CYP51A1: variants seen among roughly 807,000 people sequenced by gnomAD.
The protein encoded by CYP51A1 is lanosterol 14-alpha demethylase.
CYP51A1 carries 45 observed loss-of-function variants against 53.5 expected under a neutral mutation model. The observed-to-expected ratio is 0.84, with a 90% CI of 0.66 to 1.08. The LOEUF is 1.08. CYP51A1 is among the 50% of genes least tolerant of loss of function. CYP51A1 has a pLI of 0.00. For missense variants in CYP51A1, 462 were observed against 621.7 expected, an observed-to-expected ratio of 0.74 and a Z score of 2.73; for synonymous variants, 181 against 217.7, an observed-to-expected ratio of 0.83 and a Z score of 1.48.
At chr7:92,124,938 T>C (rs1023622467) in intron 5 of CYP51A1, among the ~76,000 whole-genome samples, 1 of 151,944 alleles carries the variant, frequency 6.6e-6, no homozygotes, top group Non-Finnish European at 1.5e-5. Flanking sequence ...GGTCGGGAGA[T>C]CAAGACCATC....
Position 92,128,924 on chromosome 7 carries a change from T to C in CYP51A1, c.424A>G (p.Thr142Ala). The C allele has an allele frequency of 6.2e-7, 1 of 1,612,382 alleles. No individual in the cohort carries two copies. Residue 142 changes from threonine (T) to alanine (A), a missense_variant, in exon 3 of 10, where the codon ACA (threonine) becomes GCA (alanine). Physicochemically the swap from Thr to Ala is moderately conservative, Grantham distance 58 (BLOSUM62 0). Coordinates refer to ENST00000003100, the MANE Select transcript of CYP51A1 (RefSeq NM_000786.4). Reference protein sequence around the residue: ...NAEDVYSRLTTPVFGKGVAYD... With the variant: ...NAEDVYSRLTAPVFGKGVAYD... ...GCAACTCCCTTCCCAAACACAGGTG[T>C]TGTCAGGCGACTGTAGACATCTTCT...
At position 92,128,876 on chromosome 7, in the gene CYP51A1, C is replaced by CT; in HGVS notation, c.468+3dup. The CT allele has an allele frequency of 6.2e-7, 1 of 1,608,622 alleles. No homozygotes were observed. Among genetic ancestry groups the CT allele is most frequent in the Non-Finnish European group, 8.5e-7 (1 of 1,178,070 alleles). ...TCTTTATTTATGGTAACAGTGTCAC[C>CT]TACTGGATTAGGCACATCGTATGCA... On this transcript the variant is annotated splice_donor_region_variant and intron_variant, in intron 3 of 9. Coordinates refer to ENST00000003100, the MANE Select transcript of CYP51A1 (RefSeq NM_000786.4).
chr7:92,132,836 G>A (rs1335843614), intron 1 of CYP51A1, among the ~76,000 whole-genome samples: 2 of 152,084 alleles, frequency 1.3e-5, no homozygotes, highest in Non-Finnish European at 2.9e-5. Flanking sequence ...GCCACAAAAT[G>A]AGACCTGCAG....
chr7:92,131,739 T>TG (rs757633942), intron 2 of CYP51A1, 35 bp downstream of exon 2: 2 of 1,178,674 alleles, frequency 1.7e-6, no homozygotes, highest in Non-Finnish European at 1.2e-6. Context: ...TCTAGTTGTT[T>TG]TTTTTTTTTT....
chr7:92,126,024 C>A (rs1376323466), intron 5 of CYP51A1, among the ~76,000 whole-genome samples: 1 of 152,010 alleles, frequency 6.6e-6, no homozygotes, highest in Non-Finnish European at 1.5e-5. Flanking sequence ...AAATATTAGA[C>A]TAGACAGACA....
In CYP51A1 at chr7:92,134,465, CA is replaced by C; in HGVS notation, c.-102del. On this transcript the variant is annotated 5_prime_UTR_variant, in exon 1 of 10. Coordinates refer to ENST00000003100, the MANE Select transcript of CYP51A1 (RefSeq NM_000786.4). ...TGGTCGTCCACAGGGGGCCTTGCCC[CA>C]GGTCTCCTACTAAACCCAGCCCCAC... The C allele has an allele frequency of 7.6e-7, 1 of 1,308,034 alleles. No individual in the cohort carries two copies. The highest frequency in any genetic ancestry group is 1.0e-6 in the Non-Finnish European group (1 of 972,378). 81.0% of individuals were successfully genotyped at this position (1,308,034 alleles called of 1,614,324 possible).
At chr7:92,123,360 C>G (rs1264699981) in intron 6 of CYP51A1, 45 bp from the exon 7 acceptor site, 1 of 1,474,138 alleles carries the variant, frequency 6.8e-7, no homozygotes, top group East Asian at 2.3e-5. Flanking sequence ...TTGGCAGATA[C>G]ATTTCATGCC....
At chr7:92,126,731 G>GA (rs1819809319) in intron 4 of CYP51A1, among the ~76,000 whole-genome samples, 2 of 152,080 alleles carry the variant, frequency 1.3e-5, no homozygotes, top group Admixed American at 1.3e-4. Context: ...AACAAAAGCA[G>GA]AAAAAAGGTT....
chr7:92,128,428 C>CTCTCTGTGTGTG (rs112952169), intron 3 of CYP51A1, among the ~76,000 whole-genome samples: 4 of 143,044 alleles, frequency 2.8e-5, no homozygotes, highest in African/African-American at 7.8e-5. Context: ...TGGTTGGTTT[C>CTCTCTGTGTGTG]TGTGTGTGTG....
Position 92,112,319 on chromosome 7 carries a change from C to CTCA in CYP51A1, c.*1343_*1345dup, listed in dbSNP as rs1361187261. 1 of 152,150 alleles carries CTCA rather than the reference C, an allele frequency of 6.6e-6. No individual in the cohort carries two copies. Among genetic ancestry groups the CTCA allele is most frequent in the African/African-American group, 2.4e-5 (1 of 41,410 alleles). The allele number at this position is 152,150 out of a possible 1,614,324, so 9.4% of individuals were successfully genotyped here. The stretch of plus-strand genomic sequence containing the variant: ...GACGATGTGGTATTTTTTCAGCCAT[C>CTCA]TCATATAGTTAGGCCCCGAGTTACA... On this transcript the variant is annotated 3_prime_UTR_variant, in exon 10 of 10. Transcript: ENST00000003100.
intron 2 of CYP51A1, among the ~76,000 whole-genome samples, chr7:92,129,974 T>C (rs1389479809): frequency 6.6e-6 from 1 of 152,170 alleles, no homozygotes; most frequent in Non-Finnish European, 1.5e-5. Flanking sequence ...CAGAGCCTCA[T>C]AAGCCATTTT....
intron 5 of CYP51A1, among the ~76,000 whole-genome samples, chr7:92,124,236 T>C (rs1332496964): frequency 6.6e-6 from 1 of 152,212 alleles, no homozygotes; most frequent in Non-Finnish European, 1.5e-5. Context: ...AAATCAAGTC[T>C]TAAAGCAGAA....
intron 2 of CYP51A1, 32 bp downstream of exon 2, chr7:92,131,742 T>G: frequency 8.3e-7 from 1 of 1,198,244 alleles, no homozygotes; most frequent in Non-Finnish European, 1.2e-6. Context: ...AGTTGTTTTT[T>G]TTTTTTTCCT....
At chr7:92,126,189 A>G in intron 5 of CYP51A1, 64 bp downstream of exon 5, 1 of 1,185,338 alleles carries the variant, frequency 8.4e-7, no homozygotes, top group East Asian at 2.7e-5. Flanking sequence ...AAGGCAAAGC[A>G]TACCAACACT....
intron 1 of CYP51A1, 155 bp from the exon 2 acceptor site, chr7:92,132,027 A>G: frequency 1.7e-6 from 1 of 596,100 alleles, no homozygotes; most frequent in Non-Finnish European, 3.1e-6. Flanking sequence ...ACTTGAGAAC[A>G]GCCAAATTGC....
At position 92,123,174 on chromosome 7, in the gene CYP51A1, A is replaced by C; in HGVS notation, c.1032T>G (p.Tyr344Ter). 6.2e-7 allele frequency: 1 copy of C among 1,613,964 alleles called. No homozygotes were observed. The highest frequency in any genetic ancestry group is 8.5e-7 in the Non-Finnish European group (1 of 1,179,866). Residue 344 changes from tyrosine (Y) to a stop codon, truncating the protein, a stop_gained, in exon 7 of 10, where the codon TAT becomes TAG. Coordinates refer to ENST00000003100, the MANE Select transcript of CYP51A1 (RefSeq NM_000786.4). LOFTEE classifies it high-confidence loss of function. ...CTCCACAGACTGTTTTCTGTTCTAA[A>C]TAACATTTTTTTTGAAGTGTTTTGT... is the stretch of plus-strand genomic sequence containing the variant. ...ARDKTLQKKC[Y>*]LEQKTVCGEN...
chr7:92,123,793 G>A lies in CYP51A1; in HGVS notation c.831C>T (p.Arg277=). ...CATCAATTTTTTCTTGAGACTGTCT[G>A]CGTTTCTGGATTGCCTTATAGAAAA... The part of the protein sequence containing the change: ...KDIFYKAIQK[R]RQSQEKIDDI... The change falls in exon 6 of 10, where the codon CGC becomes CGT. Residue 277 remains arginine (R), a synonymous_variant. Transcript: ENST00000003100. 1 of 1,609,004 alleles carries A rather than the reference G, an allele frequency of 6.2e-7. No homozygotes were observed.
Position 92,117,241 on chromosome 7 carries a change from G to C in CYP51A1, c.1183-29C>G, listed in dbSNP as rs1436431061. 2.5e-6 allele frequency: 4 copies of C among 1,590,310 alleles called. No homozygotes were observed. In the East Asian group the frequency reaches 9.0e-5, roughly 36 times the overall value. On this transcript the variant is annotated intron_variant, in intron 8 of 9. Transcript: ENST00000003100. ...TAAACAAAAGCCACACATTTCATTA[G>C]AGAATTTAAAAATGTGCTGACAAAT...
At chr7:92,128,717 G>A (rs1001173900) in intron 3 of CYP51A1, among the ~76,000 whole-genome samples, 163 bp downstream of exon 3, 2 of 152,142 alleles carry the variant, frequency 1.3e-5, no homozygotes, top group African/African-American at 4.8e-5. Flanking sequence ...TTGAACTCCT[G>A]ACTTTGAGTG....
Sources: gnomAD v4.1 joint callset for allele counts (sites outside exome capture counted in the v4.1 genomes callset) on GRCh38, gnomAD v4.1.1 for gene constraint, MANE v1.5 for transcripts, NCBI Gene and HGNC (gene_info 2026-07-23, HGNC 2026-07-21) for gene names.